PEPD: variants seen among roughly 807,000 people sequenced by gnomAD.
The protein encoded by PEPD is peptidase D, also known as xaa-Pro dipeptidase.
A neutral mutation model predicts 60.7 loss-of-function variants in PEPD; 53 were observed. The ratio of observed to expected loss-of-function variants is 0.87; its 90% CI spans 0.70 to 1.10. The LOEUF is 1.10. Ranked by LOEUF, PEPD falls within the 50% of genes least tolerant of loss-of-function variation. The probability of loss-of-function intolerance (pLI) is 0.00; values close to 1 mark genes in which losing one functional copy is unlikely to be tolerated. For missense variants in PEPD, 711 were observed against 711.9 expected (o/e 1.00, Z 0.01); for synonymous variants, 267 against 284.1 (o/e 0.94, Z 0.60).
intron 11 of PEPD, 68 bp from the exon 12 acceptor site, chr19:33,401,937 C>A: frequency 6.6e-7 from 1 of 1,509,000 alleles, no homozygotes; most frequent in East Asian, 2.3e-5. Context: ...TTACCGCTCC[C>A]CACCTGCCCT....
At chr19:33,467,995 G>A (rs949144705) in intron 7 of PEPD, among the ~76,000 whole-genome samples, 3 of 152,186 alleles carry the variant, frequency 2.0e-5, no homozygotes, top group African/African-American at 7.2e-5. Flanking sequence ...TACAGCGCGA[G>A]TAAACACACA....
intron 7 of PEPD, among the ~76,000 whole-genome samples, chr19:33,473,056 C>T (rs565769720): frequency 1.3e-5 from 2 of 152,264 alleles, no homozygotes; most frequent in Admixed American, 1.3e-4. Flanking sequence ...TGCCTGAAAC[C>T]TAGCCAGGGA....
intron 9 of PEPD, among the ~76,000 whole-genome samples, chr19:33,451,729 A>C (rs1359204254): frequency 1.3e-5 from 2 of 152,344 alleles, no homozygotes; most frequent in East Asian, 3.9e-4. Flanking sequence ...AAAATGTAAC[A>C]ACAACAACAA....
intron 9 of PEPD, among the ~76,000 whole-genome samples, chr19:33,432,354 G>C (rs116923754): frequency 0.011 from 1,699 of 152,330 alleles, 25 homozygotes; most frequent in South Asian, 0.071. Context: ...TCAGAGACTG[G>C]TTGGAAAACA....
At chr19:33,444,855 C>T (rs1246544681) in intron 9 of PEPD, among the ~76,000 whole-genome samples, 4 of 152,240 alleles carry the variant, frequency 2.6e-5, no homozygotes, top group South Asian at 2.1e-4. Context: ...TCACCCCTCT[C>T]GGCCTCAGCT....
At chr19:33,491,344 G>A (rs140918387) in intron 5 of PEPD, among the ~76,000 whole-genome samples, 1 of 152,094 alleles carries the variant, frequency 6.6e-6, no homozygotes, top group East Asian at 1.9e-4. Context: ...CAGCTACTCA[G>A]GAGGCTGAGG....
At chr19:33,457,939 A>C (rs1178024765) in intron 9 of PEPD, among the ~76,000 whole-genome samples, 1 of 152,234 alleles carries the variant, frequency 6.6e-6, no homozygotes, top group African/African-American at 2.4e-5. Context: ...ATTCACGGAG[A>C]GCTCCAACCC....
At chr19:33,518,759 T>C (rs1005882564) in intron 1 of PEPD, among the ~76,000 whole-genome samples, 3 of 151,412 alleles carry the variant, frequency 2.0e-5, no homozygotes, top group Non-Finnish European at 2.9e-5. Context: ...ACCCCAGGGG[T>C]TCTAAGGATG....
intron 6 of PEPD, among the ~76,000 whole-genome samples, chr19:33,484,239 T>C (rs1970358343): frequency 6.6e-6 from 1 of 151,966 alleles, no homozygotes; most frequent in South Asian, 2.1e-4. Flanking sequence ...GTGACATAAA[T>C]CAAAACTACA....
intron 12 of PEPD, among the ~76,000 whole-genome samples, chr19:33,400,207 C>T (rs960079639): frequency 3.9e-5 from 6 of 152,170 alleles, no homozygotes; most frequent in African/African-American, 1.4e-4. Flanking sequence ...GGGGGCTGGA[C>T]TATGACCTGG....
At chr19:33,391,226 C>T (rs1427207215) in intron 13 of PEPD, 69 bp downstream of exon 13, 1 of 1,315,624 alleles carries the variant, frequency 7.6e-7, no homozygotes, top group Non-Finnish European at 1.1e-6. Context: ...AGAGTCCCAC[C>T]CTGCCCTGGG....
intron 6 of PEPD, among the ~76,000 whole-genome samples, chr19:33,479,771 A>G (rs529852370): frequency 6.1e-4 from 93 of 152,322 alleles, no homozygotes; most frequent in African/African-American, 2.1e-3. Context: ...TTATGGTTGC[A>G]TAGTATTCCA....
At chr19:33,404,567 C>A (rs369175373) in intron 11 of PEPD, among the ~76,000 whole-genome samples, 6 of 152,198 alleles carry the variant, frequency 3.9e-5, no homozygotes, top group African/African-American at 1.4e-4. Context: ...GACTCAGATC[C>A]CAGTTCCCCA....
At position 33,387,894 on chromosome 19, in the gene PEPD, C is replaced by G; in HGVS notation, c.1340G>C (p.Gly447Ala). The G allele has an allele frequency of 6.4e-7, 1 of 1,566,384 alleles. No homozygotes were observed. The highest frequency in any genetic ancestry group is 8.6e-7 in the Non-Finnish European group (1 of 1,156,132). The change falls in exon 14 of 15, where the codon GGC becomes GCC. Residue 447 changes from glycine (G) to alanine (A), a missense_variant. Coordinates refer to ENST00000244137, the MANE Select transcript of PEPD (RefSeq NM_000285.4). ...ATGGGGCCCGTGGGCACTCACCCCG[C>G]CAAAACCGCGAAAGCGCTGCAGGAC... is the stretch of plus-strand genomic sequence containing the variant. ...REVLQRFRGF[G>A]GVRIEEDVVV...
rs564591108 is a variant in PEPD, at chr19:33,502,380, G to A, written c.330-1379C>T. ...ATGGTGTTTCCTGGGCTGTCAAGGG[G>A]TGGTGGTGAGGCAGGAGAATAGGGT... is the stretch of plus-strand genomic sequence containing the variant. On this transcript the variant is annotated intron_variant, in intron 3 of 14. Transcript: ENST00000244137. Among the ~76,000 whole-genome samples the A allele has an allele frequency of 3.3e-5, 5 of 152,306 alleles. No homozygotes were observed. In the East Asian group the frequency reaches 9.6e-4, roughly 29 times the overall value.
intron 7 of PEPD, among the ~76,000 whole-genome samples, chr19:33,464,429 G>C (rs527439748): frequency 6.6e-6 from 1 of 152,202 alleles, no homozygotes; most frequent in Admixed American, 6.5e-5. Flanking sequence ...AATCTACATG[G>C]CATGGCTACT....
chr19:33,423,350 T>C (rs1211472216), intron 9 of PEPD, among the ~76,000 whole-genome samples: 5 of 152,250 alleles, frequency 3.3e-5, no homozygotes, highest in Non-Finnish European at 1.5e-5. Flanking sequence ...CCTCTCTGTA[T>C]GATGGCCACG....
intron 11 of PEPD, among the ~76,000 whole-genome samples, chr19:33,410,161 A>C (rs912488603): frequency 5.3e-5 from 8 of 152,210 alleles, no homozygotes; most frequent in Non-Finnish European, 8.8e-5. Flanking sequence ...TGGCGGTTCC[A>C]CTGGCCTGCC....
chr19:33,392,348 C>A (rs147533324), intron 12 of PEPD, among the ~76,000 whole-genome samples: 6 of 152,226 alleles, frequency 3.9e-5, no homozygotes, highest in Non-Finnish European at 7.4e-5. Context: ...CCCACGGGTG[C>A]GCCCGTCCCA....
Sources: allele counts gnomAD v4.1 joint callset (sites outside exome capture counted in the v4.1 genomes callset), GRCh38; gene constraint gnomAD v4.1.1; transcripts MANE v1.5; gene names NCBI Gene and HGNC (gene_info 2026-07-23, HGNC 2026-07-21).